The following NRG1 variants were observed in gnomAD, a reference collection of about 807,000 sequenced individuals.
NRG1 encodes pro-neuregulin-1, membrane-bound isoform.
A neutral mutation model predicts 63.8 loss-of-function variants in NRG1; 18 were observed. The ratio of observed to expected loss-of-function variants is 0.28; its 90% CI spans 0.19 to 0.42. The LOEUF is 0.42. NRG1 is among the 10% of genes least tolerant of loss of function. NRG1 has a pLI of 1.00. For missense variants in NRG1, 762 were observed against 814.7 expected, an observed-to-expected ratio of 0.94 and a Z score of 0.79; for synonymous variants, 302 against 301.3, an observed-to-expected ratio of 1.00 and a Z score of -0.02.
chr8:32,754,321 C>G lies in NRG1; in HGVS notation c.692-51C>G, dbSNP rs150581792. 1.2e-3 allele frequency: 1,830 copies of G among 1,536,026 alleles called. 5 individuals carry two copies. Among genetic ancestry groups the G allele is most frequent in the Non-Finnish European group, 1.5e-3 (1,706 of 1,113,900 alleles). On this transcript the variant is annotated intron_variant, in intron 7 of 11. Transcript: ENST00000356819. ...TGCCCACTGTTTGGTTGTAGTCAGT[C>G]CTGGCAAGTGGAAGTGACCTGTGAT...
At chr8:32,301,390 A>G (rs908338093) in intron 1 of NRG1, among the ~76,000 whole-genome samples, 1 of 152,224 alleles carries the variant, frequency 6.6e-6, no homozygotes, top group Non-Finnish European at 1.5e-5. Flanking sequence ...ATAAAATCAC[A>G]TCAATGGTCG....
At chr8:32,008,186 G>A (rs746021045) in intron 1 of NRG1, among the ~76,000 whole-genome samples, 1 of 151,836 alleles carries the variant, frequency 6.6e-6, no homozygotes, top group Non-Finnish European at 1.5e-5. Context: ...GAAGAGTGTC[G>A]GCTCACTTTT....
At position 31,816,484 on chromosome 8, in the gene NRG1, CACTT is replaced by C. The variant is rs370046138; in HGVS notation, c.37+177056_37+177059del. Reference sequence around the variant, plus strand: ...GTAGAAAACTCTCAACATTTAGAAACACTTACAAGCATATGAATTTCCATATTAT... The same window carrying C: ...GTAGAAAACTCTCAACATTTAGAAACACAAGCATATGAATTTCCATATTAT... On this transcript the variant is annotated intron_variant, in intron 1 of 10. Coordinates refer to the NRG1 transcript ENST00000519301. Among the ~76,000 whole-genome samples, 361 of 152,292 alleles carry C rather than the reference CACTT, an allele frequency of 2.4e-3. 3 individuals carry two copies. Among genetic ancestry groups the C allele is most frequent in the Non-Finnish European group, 2.7e-3 (187 of 68,026 alleles).
intron 1 of NRG1, among the ~76,000 whole-genome samples, chr8:31,914,823 G>A (rs1833245702): frequency 6.6e-6 from 1 of 151,808 alleles, no homozygotes; most frequent in South Asian, 2.1e-4. Flanking sequence ...TTTTATGGTA[G>A]TTTAATTATT....
At chr8:31,655,092 T>C (rs1228641214) in intron 1 of NRG1, among the ~76,000 whole-genome samples, 1 of 152,154 alleles carries the variant, frequency 6.6e-6, no homozygotes, top group African/African-American at 2.4e-5. Context: ...CCAGATAAAT[T>C]ACAGGAATCA....
intron 1 of NRG1, among the ~76,000 whole-genome samples, chr8:31,826,635 G>A (rs891982714): frequency 6.6e-6 from 1 of 152,146 alleles, no homozygotes; most frequent in African/African-American, 2.4e-5. Context: ...TCCTGGCCTG[G>A]AATAACATCA....
chr8:32,125,645 G>C (rs1197254886), intron 1 of NRG1, among the ~76,000 whole-genome samples: 4 of 151,840 alleles, frequency 2.6e-5, no homozygotes, highest in African/African-American at 7.2e-5. Context: ...TTGTTTACCT[G>C]TTTGTTGATT....
At chr8:32,456,291 T>C (rs1057013984) in intron 1 of NRG1, among the ~76,000 whole-genome samples, 7 of 152,258 alleles carry the variant, frequency 4.6e-5, no homozygotes, top group African/African-American at 1.2e-4. Context: ...TTCTGACTTA[T>C]GGTCTTGATA....
At chr8:32,748,339 G>GCGCGCACA (rs1207515428) in intron 7 of NRG1, among the ~76,000 whole-genome samples, 1,726 of 128,224 alleles carry the variant, frequency 0.013, 14 homozygotes, top group African/African-American at 0.018. Flanking sequence ...GCGCGCGCGC[G>GCGCGCACA]CACACACACA....
intron 1 of NRG1, among the ~76,000 whole-genome samples, chr8:32,397,302 TCTC>T (rs1328398221): frequency 4.6e-5 from 7 of 152,180 alleles, no homozygotes; most frequent in Non-Finnish European, 8.8e-5. Flanking sequence ...TAATCCTCAG[TCTC>T]CTCATTTGTA....
At chr8:32,493,328 C>T (rs1212755468) in intron 1 of NRG1, among the ~76,000 whole-genome samples, 2 of 152,138 alleles carry the variant, frequency 1.3e-5, no homozygotes. Flanking sequence ...GCTTAACAGA[C>T]CACTCACTGG....
chr8:32,231,061 TA>T (rs1191614878), intron 1 of NRG1, among the ~76,000 whole-genome samples: 2 of 152,148 alleles, frequency 1.3e-5, no homozygotes, highest in African/African-American at 4.8e-5. Flanking sequence ...ACCATCATTC[TA>T]TTATCTATCT....
At chr8:31,978,279 C>T (rs1808516844) in intron 1 of NRG1, among the ~76,000 whole-genome samples, 5 of 152,012 alleles carry the variant, frequency 3.3e-5, no homozygotes, top group Admixed American at 3.3e-4. Flanking sequence ...TTTGCTGTCT[C>T]TCACTAAATA....
At chr8:31,733,366 C>A (rs926961275) in intron 1 of NRG1, among the ~76,000 whole-genome samples, 2 of 152,070 alleles carry the variant, frequency 1.3e-5, no homozygotes, top group African/African-American at 4.8e-5. Flanking sequence ...AATGGTAGTT[C>A]TTTAAACTCT....
chr8:32,378,555 A>G (rs1033366602), intron 1 of NRG1, among the ~76,000 whole-genome samples: 12 of 152,322 alleles, frequency 7.9e-5, no homozygotes, highest in Non-Finnish European at 1.5e-4. Flanking sequence ...GGAAAGATCA[A>G]GGGATTTGCC....
chr8:32,410,602 A>G lies in NRG1; in HGVS notation c.38-185226A>G, dbSNP rs187999516. On this transcript the variant is annotated intron_variant, in intron 1 of 10. Transcript: ENST00000519301. ...GCCCACTGAATTCCACTTTCAGCAC[A>G]TGACCATTAGTCTTTCATTTCTTCT... Among the ~76,000 whole-genome samples, 271 of 152,296 alleles carry G rather than the reference A, an allele frequency of 1.8e-3. 1 individual carries two copies. Among genetic ancestry groups the G allele is most frequent in the African/African-American group, 6.3e-3 (263 of 41,576 alleles).
Position 32,021,765 on chromosome 8 carries a change from G to A in NRG1, c.37+382334G>A, listed in dbSNP as rs142110976. On this transcript the variant is annotated intron_variant, in intron 1 of 10. Transcript: ENST00000519301. ...CAAATTATTTTTACCTGGCTGCATG[G>A]ACATACAACATTTACCCTAAATTTA... is the stretch of plus-strand genomic sequence containing the variant. Among the ~76,000 whole-genome samples the A allele has an allele frequency of 2.3e-3, 346 of 152,134 alleles. 1 individual carries two copies. The highest frequency in any genetic ancestry group is 3.8e-3 in the Non-Finnish European group (261 of 67,992).
At chr8:31,963,305 A>G (rs1377334059) in intron 1 of NRG1, among the ~76,000 whole-genome samples, 1 of 152,210 alleles carries the variant, frequency 6.6e-6, no homozygotes, top group East Asian at 1.9e-4. Context: ...TTGATCCATT[A>G]TTTCAAGTGA....
chr8:32,543,371 G>A (rs1832761288), upstream of NRG1, among the ~76,000 whole-genome samples: 1 of 152,158 alleles, frequency 6.6e-6, no homozygotes, highest in African/African-American at 2.4e-5. Context: ...TCTAAATTAA[G>A]GGTGCATTGC....
Sources: gnomAD v4.1 joint callset for allele counts (sites outside exome capture counted in the v4.1 genomes callset) on GRCh38, gnomAD v4.1.1 for gene constraint, MANE v1.5 for transcripts, NCBI Gene and HGNC (gene_info 2026-07-23, HGNC 2026-07-21) for gene names.